AK9: variants seen among roughly 807,000 people sequenced by gnomAD.
AK9 encodes adenylate kinase domain containing 1.
In AK9, 191 loss-of-function variants were observed where a neutral mutation model predicts 239.6. That is an observed-to-expected ratio of 0.80 (90% CI 0.71 to 0.90). AK9 has a LOEUF of 0.90. Ranked by LOEUF, AK9 falls within the 40% of genes least tolerant of loss-of-function variation. The pLI is 0.00. For missense variants in AK9, 1,995 were observed against 2,214.7 expected (o/e 0.90, Z 1.99); for synonymous variants, 689 against 721.0 (o/e 0.96, Z 0.71).
chr6:109,585,442 A>G (rs756624830), intron 18 of AK9, among the ~76,000 whole-genome samples: 4 of 152,196 alleles, frequency 2.6e-5, no homozygotes, highest in Non-Finnish European at 5.9e-5. Context: ...AATACAGTAG[A>G]AATAAGTAAA....
chr6:109,618,971 G>A (rs537477210), intron 13 of AK9, 121 bp downstream of exon 13: 190 of 1,081,330 alleles, frequency 1.8e-4, no homozygotes, highest in Middle Eastern at 3.2e-4. Flanking sequence ...CATTTGTTAA[G>A]AGTCTATAAT....
At chr6:109,654,151 C>T (rs1202508625) in intron 8 of AK9, among the ~76,000 whole-genome samples, 2 of 152,020 alleles carry the variant, frequency 1.3e-5, no homozygotes, top group Non-Finnish European at 2.9e-5. Flanking sequence ...TGAACATTCT[C>T]CTTATTGCAA....
At chr6:109,600,041 CCT>C (rs2128227528) in intron 17 of AK9, among the ~76,000 whole-genome samples, 1 of 152,266 alleles carries the variant, frequency 6.6e-6, no homozygotes, top group South Asian at 2.1e-4. Context: ...AATTTGATTT[CCT>C]CTTTTCCTAA....
intron 17 of AK9, among the ~76,000 whole-genome samples, chr6:109,598,989 G>C (rs1000200590): frequency 1.3e-5 from 2 of 151,180 alleles, no homozygotes; most frequent in African/African-American, 4.9e-5. Flanking sequence ...TTGTCAGATG[G>C]GTAGATTGCA....
intron 17 of AK9, among the ~76,000 whole-genome samples, chr6:109,610,028 T>C (rs1793383566): frequency 1.3e-5 from 2 of 152,226 alleles, no homozygotes; most frequent in African/African-American, 4.8e-5. Flanking sequence ...AATTAGTTCA[T>C]AGATGAAACA....
chr6:109,584,855 T>C (rs1235698952), intron 19 of AK9, among the ~76,000 whole-genome samples: 1 of 152,142 alleles, frequency 6.6e-6, no homozygotes, highest in African/African-American at 2.4e-5. Flanking sequence ...ATCTTACCCA[T>C]GCTCATTTTT....
rs181097792 is a variant in AK9 at position 109,557,419 on chromosome 6, C to A, written c.2751+6178G>T. ...AACACCAACCTGATGCCAGTAGGATCGCTCCTGTATAGAATGTCTAACAAC... is the reference window on the plus strand; with the variant it reads ...AACACCAACCTGATGCCAGTAGGATAGCTCCTGTATAGAATGTCTAACAAC... On this transcript the variant is annotated intron_variant, in intron 24 of 40. Coordinates refer to ENST00000424296, the MANE Select transcript of AK9 (RefSeq NM_001145128.3). 2.7e-3 allele frequency among the ~76,000 whole-genome samples: 409 copies of A among 152,186 alleles called. 3 individuals carry two copies. The highest frequency in any genetic ancestry group is 9.5e-3 in the African/African-American group (395 of 41,524).
chr6:109,660,879 G>A, intron 6 of AK9: 1 of 447,626 alleles, frequency 2.2e-6, no homozygotes. Flanking sequence ...TTGGAACTGG[G>A]ACCACTCTCT....
At chr6:109,647,694 A>C (rs1348705192) in intron 8 of AK9, among the ~76,000 whole-genome samples, 2 of 152,222 alleles carry the variant, frequency 1.3e-5, no homozygotes, top group Admixed American at 6.5e-5. Context: ...ACAGAAAGTT[A>C]ACAAGGATAC....
At chr6:109,548,529 T>G (rs983818950) in intron 25 of AK9, among the ~76,000 whole-genome samples, 2 of 152,176 alleles carry the variant, frequency 1.3e-5, no homozygotes, top group African/African-American at 4.8e-5. Context: ...ATGTTGAAGA[T>G]GAAGCCTGCA....
chr6:109,615,924 A>C (rs1296530272), intron 13 of AK9, among the ~76,000 whole-genome samples: 1 of 72,520 alleles, frequency 1.4e-5, no homozygotes, highest in African/African-American at 4.9e-5. Context: ...TAAACAAACA[A>C]AAGTAAAAAA....
At chr6:109,611,655 T>C (rs532321576) in intron 16 of AK9, among the ~76,000 whole-genome samples, 26 of 152,260 alleles carry the variant, frequency 1.7e-4, no homozygotes, top group Admixed American at 1.4e-3. Context: ...TTCCTTTCCT[T>C]TTCCTTTCCC....
chr6:109,552,461 G>C (rs1784483840), intron 24 of AK9, among the ~76,000 whole-genome samples: 1 of 152,194 alleles, frequency 6.6e-6, no homozygotes, highest in Non-Finnish European at 1.5e-5. Context: ...GATCAGTGAT[G>C]TTGAGCTTTT....
At chr6:109,666,223 A>T (rs1012239056) in intron 5 of AK9, among the ~76,000 whole-genome samples, 1 of 152,116 alleles carries the variant, frequency 6.6e-6, no homozygotes, top group Non-Finnish European at 1.5e-5. Flanking sequence ...TATGTCATCT[A>T]AGTTTGTCTC....
chr6:109,553,699 A>G (rs1784626103), intron 24 of AK9, among the ~76,000 whole-genome samples: 1 of 152,042 alleles, frequency 6.6e-6, no homozygotes, highest in Non-Finnish European at 1.5e-5. Context: ...TTATTTCTTT[A>G]TCTTGCCTGA....
intron 14 of AK9, 43 bp downstream of exon 14, chr6:109,614,342 T>C (rs1793912134): frequency 3.9e-6 from 6 of 1,548,814 alleles, no homozygotes; most frequent in Non-Finnish European, 5.2e-6. Flanking sequence ...CTATTTATAT[T>C]AGGGATGATT....
intron 24 of AK9, among the ~76,000 whole-genome samples, chr6:109,560,218 T>C (rs1479331612): frequency 6.6e-6 from 1 of 152,270 alleles, no homozygotes; most frequent in Admixed American, 6.5e-5. Flanking sequence ...TCTTATCTCC[T>C]ACATATAAAG....
intron 1 of AK9, among the ~76,000 whole-genome samples, chr6:109,679,339 G>C (rs1363236382): frequency 1.5e-5 from 2 of 133,258 alleles, no homozygotes; most frequent in South Asian, 4.2e-4. Flanking sequence ...AAAGCCTTGG[G>C]GAAGTTCCCT....
At chr6:109,496,396 C>G (rs897978016) in intron 38 of AK9, among the ~76,000 whole-genome samples, 3 of 152,196 alleles carry the variant, frequency 2.0e-5, no homozygotes, top group Admixed American at 2.0e-4. Context: ...GGACTACAGG[C>G]AAGAGCTCAG....
Sources: gnomAD v4.1 joint callset for allele counts (sites outside exome capture counted in the v4.1 genomes callset) on GRCh38, gnomAD v4.1.1 for gene constraint, MANE v1.5 for transcripts, NCBI Gene and HGNC (gene_info 2026-07-23, HGNC 2026-07-21) for gene names.